The following STAT1 variants were observed in gnomAD, a reference collection of about 807,000 sequenced individuals.
STAT1 encodes signal transducer and activator of transcription 1-alpha/beta.
Under a neutral mutation model 111.7 loss-of-function variants are expected in STAT1, and 24 were observed. The observed-to-expected ratio is 0.21, with a 90% CI of 0.16 to 0.30. STAT1 has a LOEUF of 0.30. STAT1 is among the 10% of genes least tolerant of loss of function. STAT1 has a pLI of 1.00. For synonymous variants in STAT1, 332 were observed against 326.5 expected, an observed-to-expected ratio of 1.02 and a Z score of -0.18; for missense variants, 351 against 911.9, an observed-to-expected ratio of 0.38 and a Z score of 7.92.
chr2:190,994,958 A>T, intron 10 of STAT1, 103 bp downstream of exon 10: 1 of 461,914 alleles, frequency 2.2e-6, no homozygotes, highest in Non-Finnish European at 3.8e-6. Context: ...ATATATATAT[A>T]AAAAACACCT....
intron 4 of STAT1, among the ~76,000 whole-genome samples, chr2:191,008,628 A>T (rs1176483691): frequency 6.6e-6 from 1 of 152,216 alleles, no homozygotes; most frequent in Non-Finnish European, 1.5e-5. Context: ...ATTACTATAG[A>T]TCATTGCTCT....
intron 3 of STAT1, 123 bp from the exon 4 acceptor site, chr2:191,009,230 T>G: frequency 8.0e-7 from 1 of 1,242,416 alleles, no homozygotes; most frequent in Non-Finnish European, 1.1e-6. Context: ...CTTAGGTTTA[T>G]TTTCTTCTTT....
Position 190,974,691 on chromosome 2 carries a change from C to A in STAT1, c.2238+139G>T. 2 of 746,094 alleles carry A rather than the reference C, an allele frequency of 2.7e-6. No individual in the cohort carries two copies. The highest frequency in any genetic ancestry group is 4.8e-6 in the Non-Finnish European group (2 of 417,934). The allele number at this position is 746,094 out of a possible 1,614,324, so 46.2% of individuals were successfully genotyped here. A position where few individuals can be genotyped will look rare whatever the true frequency, so the allele number is the denominator to read the frequency against. On this transcript the variant is annotated intron_variant, in intron 24 of 24. Coordinates refer to ENST00000361099, the MANE Select transcript of STAT1 (RefSeq NM_007315.4). The surrounding 1 kb of genome is among the most constrained non-coding windows in gnomAD (Gnocchi z 4.8). The stretch of plus-strand genomic sequence containing the variant: ...ATCCAGCAGCTCCAACTTGTCATGG[C>A]TCATCTGAGCACTGCACTCTCCTTG...
intron 5 of STAT1, among the ~76,000 whole-genome samples, chr2:191,005,870 C>T (rs1419786069): frequency 6.6e-6 from 1 of 152,230 alleles, no homozygotes; most frequent in African/African-American, 2.4e-5. Flanking sequence ...TTCCCTCACA[C>T]CCCAAGAAGG....
chr2:190,998,412 G>C lies in STAT1; in HGVS notation c.542-104C>G. ...AAATATGACACAAATGCTGCCTAGT[G>C]ACAGGTCAAAGTTTGGCTTTCTTCG... On this transcript the variant is annotated intron_variant, in intron 7 of 24. Coordinates refer to ENST00000361099, the MANE Select transcript of STAT1 (RefSeq NM_007315.4). The surrounding 1 kb of genome is among the most constrained non-coding windows in gnomAD (Gnocchi z 4.1). 2 of 961,812 alleles carry C rather than the reference G, an allele frequency of 2.1e-6. No homozygotes were observed. Among genetic ancestry groups the C allele is most frequent in the East Asian group, 2.4e-5 (1 of 41,366 alleles). 59.6% of individuals were successfully genotyped at this position (961,812 alleles called of 1,614,324 possible).
Position 191,004,979 on chromosome 2 carries a change from G to A in STAT1, c.372+2584C>T, listed in dbSNP as rs1694570803. 6.6e-6 allele frequency among the ~76,000 whole-genome samples: 1 copy of A among 152,136 alleles called. No individual in the cohort carries two copies. The highest frequency in any genetic ancestry group is 1.5e-5 in the Non-Finnish European group (1 of 68,018). On this transcript the variant is annotated intron_variant, in intron 5 of 24. Coordinates refer to ENST00000361099, the MANE Select transcript of STAT1 (RefSeq NM_007315.4). The surrounding 1 kb of genome is among the most constrained non-coding windows in gnomAD (Gnocchi z 5.0). ...AAGAAAAAAACTTAGTGTGCTGTAAGACAGCACACGAAACATTTATAGTCT... is the reference window on the plus strand; with the variant it reads ...AAGAAAAAAACTTAGTGTGCTGTAAAACAGCACACGAAACATTTATAGTCT...
At chr2:191,005,365 G>T (rs1222221329) in intron 5 of STAT1, among the ~76,000 whole-genome samples, 1 of 152,154 alleles carries the variant, frequency 6.6e-6, no homozygotes, top group Non-Finnish European at 1.5e-5. Context: ...CATAACAATG[G>T]TTCAGTCAAC....
At chr2:191,002,358 T>G (rs879475537) in intron 5 of STAT1, among the ~76,000 whole-genome samples, 1 of 152,234 alleles carries the variant, frequency 6.6e-6, no homozygotes, top group Non-Finnish European at 1.5e-5. Flanking sequence ...GATTTTTCTC[T>G]TCTTTCCCAT....
At position 190,971,655 on chromosome 2, in the gene STAT1, G is replaced by A. The variant is rs1691475131; in HGVS notation, c.2239-938C>T. ...AAATTATTTTGGATTGAAAAGCACAGTGAAAGTGTTGCCCCTATGTTTCAG... is the reference window on the plus strand; with the variant it reads ...AAATTATTTTGGATTGAAAAGCACAATGAAAGTGTTGCCCCTATGTTTCAG... On this transcript the variant is annotated intron_variant, in intron 24 of 24. Coordinates refer to ENST00000361099, the MANE Select transcript of STAT1 (RefSeq NM_007315.4). This position sits in a 1 kb window ranked among gnomAD's most constrained non-coding sequence, Gnocchi z 4.1. Among the ~76,000 whole-genome samples, 1 of 152,060 alleles carries A rather than the reference G, an allele frequency of 6.6e-6. No individual in the cohort carries two copies. Among genetic ancestry groups the A allele is most frequent in the South Asian group, 2.1e-4 (1 of 4,824 alleles).
In STAT1 at chr2:190,974,866, C is replaced by A. The variant is rs1165194803; in HGVS notation, c.2202G>T (p.Val734=). The A allele has an allele frequency of 2.5e-6, 4 of 1,614,216 alleles. No homozygotes were observed. The African/African-American group carries it at 4.0e-5, about 16-fold the overall frequency. ...LPMSPEEFDE[V]SRIVGSVEFD... is the part of the protein sequence containing the mutation. ...ATTCTACAGAGCCCACTATCCGAGA[C>A]ACCTCGTCAAACTCCTCAGGAGACA... The change falls in exon 24 of 25, where the codon GTG becomes GTT. Residue 734 remains valine, a synonymous_variant. Transcript: ENST00000361099. This position sits in a 1 kb window ranked among gnomAD's most constrained non-coding sequence, Gnocchi z 4.8.
rs1192360882 is a variant in STAT1, at chr2:190,979,024, G to C, written c.1728-23C>G. ...CACCTGGATATCGAAGAGATGGACG[G>C]ATGGGCTTTTAGTTCAATCATGATT... On this transcript the variant is annotated intron_variant, in intron 20 of 24. Transcript: ENST00000361099. The surrounding 1 kb of genome is among the most constrained non-coding windows in gnomAD (Gnocchi z 5.8). 1 of 1,613,926 alleles carries C rather than the reference G, an allele frequency of 6.2e-7. No individual in the cohort carries two copies. Among genetic ancestry groups the C allele is most frequent in the African/African-American group, 1.3e-5 (1 of 74,906 alleles).
chr2:191,001,031 C>T lies in STAT1; in HGVS notation c.462+43G>A, dbSNP rs570304968. ...AGCAATTGAAACCTTTTTTCCCCTA[C>T]AGAAAGTTTCAGAATAAATGCATGT... is the stretch of plus-strand genomic sequence containing the variant. On this transcript the variant is annotated intron_variant, in intron 6 of 24. Coordinates refer to ENST00000361099, the MANE Select transcript of STAT1 (RefSeq NM_007315.4). 1.5e-5 allele frequency: 22 copies of T among 1,486,056 alleles called. No homozygotes were observed. The African/African-American group carries it at 2.6e-4, about 18-fold the overall frequency. The allele number at this position is 1,486,056 out of a possible 1,614,324, so 92.1% of individuals were successfully genotyped here.
At position 190,973,506 on chromosome 2, in the gene STAT1, G is replaced by A. The variant is rs1443621300; in HGVS notation, c.2238+1324C>T. 6.6e-6 allele frequency among the ~76,000 whole-genome samples: 1 copy of A among 152,128 alleles called. No individual in the cohort carries two copies. The highest frequency in any genetic ancestry group is 2.4e-5 in the African/African-American group (1 of 41,418). ...AATGTCACCTATTAATGGTGGTGGT[G>A]ATGATGATGTAATTTGCTCAGGAAC... On this transcript the variant is annotated intron_variant, in intron 24 of 24. Transcript: ENST00000361099. This position sits in a 1 kb window ranked among gnomAD's most constrained non-coding sequence, Gnocchi z 4.4.
chr2:190,980,273 G>A lies in STAT1; in HGVS notation c.1632+347C>T, dbSNP rs549990538. Among the ~76,000 whole-genome samples, 2 of 152,208 alleles carry A rather than the reference G, an allele frequency of 1.3e-5. No individual in the cohort carries two copies. Among genetic ancestry groups the A allele is most frequent in the Non-Finnish European group, 2.9e-5 (2 of 68,032 alleles). ...GTGGGCCCCTCTGCTCGAGCAGGCCGTTAAACTCGTCTGGCTGGTCAGGCT... is the reference window on the plus strand; with the variant it reads ...GTGGGCCCCTCTGCTCGAGCAGGCCATTAAACTCGTCTGGCTGGTCAGGCT... On this transcript the variant is annotated intron_variant, in intron 19 of 24. Coordinates refer to ENST00000361099, the MANE Select transcript of STAT1 (RefSeq NM_007315.4). The surrounding 1 kb of genome is among the most constrained non-coding windows in gnomAD (Gnocchi z 6.1).
chr2:190,970,033 A>C lies in STAT1; in HGVS notation c.*670T>G, dbSNP rs186033487. The C allele has an allele frequency of 2.2e-4, 35 of 156,744 alleles. No homozygotes were observed. Among genetic ancestry groups the C allele is most frequent in the Middle Eastern group, 3.3e-3 (1 of 304 alleles). 9.7% of individuals were successfully genotyped at this position (156,744 alleles called of 1,614,324 possible). ...CTATTGATATTAGCTAGTGTCATTA[A>C]GCCATAACAAACAGTAAAGCTAATA... On this transcript the variant is annotated 3_prime_UTR_variant, in exon 25 of 25. Transcript: ENST00000361099. This position sits in a 1 kb window ranked among gnomAD's most constrained non-coding sequence, Gnocchi z 5.4.
In STAT1 at chr2:190,995,294, A is replaced by C; in HGVS notation, c.786-75T>G. The stretch of plus-strand genomic sequence containing the variant: ...AGCCTGGATTAAAGGGAATCATGGT[A>C]TATTAGTCCATTCTCATGCTGCTAA... On this transcript the variant is annotated intron_variant, in intron 9 of 24. Coordinates refer to ENST00000361099, the MANE Select transcript of STAT1 (RefSeq NM_007315.4). The surrounding 1 kb of genome is among the most constrained non-coding windows in gnomAD (Gnocchi z 4.2). 7.2e-7 allele frequency: 1 copy of C among 1,394,524 alleles called. No homozygotes were observed. The highest frequency in any genetic ancestry group is 1.0e-6 in the Non-Finnish European group (1 of 984,508). The allele number at this position is 1,394,524 out of a possible 1,614,324, so 86.4% of individuals were successfully genotyped here. A position where few individuals can be genotyped will look rare whatever the true frequency, so the allele number is the denominator to read the frequency against.
chr2:190,982,068 T>C lies in STAT1; in HGVS notation c.1582+315A>G, dbSNP rs550800409. ...GGTTAATGGTTAATAGGCCTTCATC[T>C]TTCTCATCCAGGAACTTATTTCAGC... On this transcript the variant is annotated intron_variant, in intron 18 of 24. Transcript: ENST00000361099. This position sits in a 1 kb window ranked among gnomAD's most constrained non-coding sequence, Gnocchi z 7.3. Among the ~76,000 whole-genome samples, 2 of 152,268 alleles carry C rather than the reference T, an allele frequency of 1.3e-5. No individual in the cohort carries two copies. The highest frequency in any genetic ancestry group is 2.9e-5 in the Non-Finnish European group (2 of 68,042).
Position 190,983,629 on chromosome 2 carries a change from G to A in STAT1, c.1446+13C>T, listed in dbSNP as rs369299035. The A allele has an allele frequency of 3.7e-6, 6 of 1,612,346 alleles. No homozygotes were observed. In the African/African-American group the frequency reaches 6.7e-5, roughly 18 times the overall value. ...GCTTAACCCTGGGACCAAAGCAAAT[G>A]TGTTTTCCATACCCTGGGTTCCGCC... On this transcript the variant is annotated intron_variant, in intron 17 of 24. Coordinates refer to ENST00000361099, the MANE Select transcript of STAT1 (RefSeq NM_007315.4). The surrounding 1 kb of genome is among the most constrained non-coding windows in gnomAD (Gnocchi z 5.7).
intron 3 of STAT1, 127 bp from the exon 4 acceptor site, chr2:191,009,234 C>A: frequency 1.6e-6 from 2 of 1,222,374 alleles, no homozygotes; most frequent in Non-Finnish European, 2.3e-6. Context: ...GGTTTATTTT[C>A]TTCTTTTGAA....
Sources: gnomAD v4.1 joint callset for allele counts (sites outside exome capture counted in the v4.1 genomes callset) on GRCh38, gnomAD v4.1.1 for gene constraint, Gnocchi (gnomAD v3.1) non-coding constraint, MANE v1.5 for transcripts, NCBI Gene and HGNC (gene_info 2026-07-23, HGNC 2026-07-21) for gene names.